Variants in NALCN observed in about 807,000 individuals in gnomAD.
NALCN encodes sodium leak channel NALCN.
A neutral mutation model predicts 225.3 loss-of-function variants in NALCN; 111 were observed. That is an observed-to-expected ratio of 0.49 (90% confidence interval 0.42 to 0.58). The LOEUF (loss-of-function observed/expected upper bound fraction) is 0.58, where lower values mean the gene tolerates loss of function less well. Among genes scored for constraint, NALCN ranks in the 20% least tolerant of loss-of-function variants. The pLI is 0.00. For missense variants in NALCN, 1,378 were observed against 2,202.4 expected (o/e 0.63, Z 7.49); for synonymous variants, 764 against 769.0 (o/e 0.99, Z 0.11).
At chr13:101,069,199 T>G (rs186681729) in intron 37 of NALCN, among the ~76,000 whole-genome samples, 121 of 152,288 alleles carry the variant, frequency 7.9e-4, no homozygotes, top group African/African-American at 2.8e-3. Flanking sequence ...CTGACTGAAG[T>G]AATGGGTTAA....
chr13:101,382,349 T>A (rs114722614), intron 3 of NALCN, among the ~76,000 whole-genome samples: 1 of 151,966 alleles, frequency 6.6e-6, no homozygotes, highest in African/African-American at 2.4e-5. Context: ...AGGAGAGACA[T>A]GCTTTTCACA....
chr13:101,330,275 T>G (rs1179452242), intron 7 of NALCN, among the ~76,000 whole-genome samples: 1 of 152,040 alleles, frequency 6.6e-6, no homozygotes, highest in African/African-American at 2.4e-5. Flanking sequence ...TTTGGGAGAA[T>G]ATAAAATCAG....
chr13:101,334,411 C>A (rs2045300837), intron 7 of NALCN, among the ~76,000 whole-genome samples: 1 of 151,520 alleles, frequency 6.6e-6, no homozygotes, highest in African/African-American at 2.4e-5. Context: ...GGGATGAACA[C>A]ATACATTCAA....
intron 22 of NALCN, among the ~76,000 whole-genome samples, chr13:101,106,225 A>G (rs1046723788): frequency 3.9e-5 from 6 of 152,102 alleles, no homozygotes; most frequent in Admixed American, 3.3e-4. Flanking sequence ...ATATTAGATT[A>G]GGGCCCACCC....
intron 2 of NALCN, among the ~76,000 whole-genome samples, chr13:101,397,113 T>A (rs4772376): frequency 1.8e-5 from 2 of 112,958 alleles, no homozygotes; most frequent in Non-Finnish European, 1.8e-5. Context: ...TATATATACA[T>A]ACACATACAT....
chr13:101,366,841 C>T (rs935715652), intron 6 of NALCN, among the ~76,000 whole-genome samples: 1 of 152,040 alleles, frequency 6.6e-6, no homozygotes, highest in Non-Finnish European at 1.5e-5. Flanking sequence ...TGACCATTGT[C>T]ACCCTGTTGT....
intron 7 of NALCN, among the ~76,000 whole-genome samples, chr13:101,293,195 A>G (rs2043613901): frequency 6.6e-6 from 1 of 152,194 alleles, no homozygotes; most frequent in African/African-American, 2.4e-5. Context: ...ACAAAGCCCC[A>G]CACATCCAAC....
At chr13:101,291,416 T>C (rs1000118973) in intron 9 of NALCN, among the ~76,000 whole-genome samples, 1 of 152,212 alleles carries the variant, frequency 6.6e-6, no homozygotes, top group African/African-American at 2.4e-5. Context: ...GTAATAAATG[T>C]GGTTGACGAT....
chr13:101,304,248 TTATTA>T (rs2044074327), intron 7 of NALCN, among the ~76,000 whole-genome samples: 1 of 152,132 alleles, frequency 6.6e-6, no homozygotes, highest in Non-Finnish European at 1.5e-5. Context: ...TTTTGTTATT[TTATTA>T]TGTTATTATT....
intron 6 of NALCN, among the ~76,000 whole-genome samples, chr13:101,357,157 A>G (rs150124284): frequency 0.019 from 2,896 of 152,282 alleles, 28 homozygotes; most frequent in Admixed American, 0.029. Context: ...CACCACTCCT[A>G]TTCAACATAG....
intron 13 of NALCN, among the ~76,000 whole-genome samples, chr13:101,219,681 C>T (rs1004853585): frequency 1.3e-5 from 2 of 152,134 alleles, no homozygotes; most frequent in Non-Finnish European, 2.9e-5. Flanking sequence ...TGAACTATTC[C>T]AGAGGCCTTT....
intron 7 of NALCN, among the ~76,000 whole-genome samples, chr13:101,329,154 A>G (rs1440254451): frequency 3.3e-5 from 5 of 152,164 alleles, no homozygotes; most frequent in Non-Finnish European, 7.3e-5. Context: ...AATCACCGCT[A>G]GTTTTTAAAT....
intron 17 of NALCN, among the ~76,000 whole-genome samples, chr13:101,126,496 A>AT (rs35175845): frequency 0.045 from 6,551 of 144,732 alleles, 318 homozygotes; most frequent in African/African-American, 0.12. Context: ...TTTTGGCATA[A>AT]TTTTTTTTTT....
chr13:101,272,534 T>G (rs1207609312), intron 10 of NALCN, among the ~76,000 whole-genome samples: 1 of 152,016 alleles, frequency 6.6e-6, no homozygotes, highest in East Asian at 1.9e-4. Flanking sequence ...GATCACTCTG[T>G]TGAGGAAGCA....
At chr13:101,411,304 G>A (rs2047777630) in intron 1 of NALCN, among the ~76,000 whole-genome samples, 1 of 150,558 alleles carries the variant, frequency 6.6e-6, no homozygotes, top group Non-Finnish European at 1.5e-5. Context: ...TGAGTCTGTG[G>A]GCATGCTTCC....
intron 3 of NALCN, among the ~76,000 whole-genome samples, chr13:101,381,973 G>A (rs1258840997): frequency 6.6e-6 from 1 of 152,124 alleles, no homozygotes; most frequent in Non-Finnish European, 1.5e-5. Context: ...GGACTCAGCA[G>A]AGAACTATGT....
rs558690041 is a variant in NALCN, at chr13:101,391,437, C to T, written c.291+3746G>A. ...GTGACTCACGCCTGTAATCCCAGCA[C>T]TTTGGGAGGCCGAGGTGGGAGGATC... On this transcript the variant is annotated intron_variant, in intron 3 of 43. Transcript: ENST00000251127. 7.2e-5 allele frequency among the ~76,000 whole-genome samples: 11 copies of T among 152,284 alleles called. No homozygotes were observed. The South Asian group carries it at 2.3e-3, about 32-fold the overall frequency.
intron 3 of NALCN, among the ~76,000 whole-genome samples, chr13:101,386,949 C>T (rs994049220): frequency 4.6e-5 from 7 of 152,090 alleles, no homozygotes; most frequent in African/African-American, 1.7e-4. Context: ...TGGCCAGGCG[C>T]GGTGGCTCAC....
chr13:101,160,873 T>C (rs1437998854), intron 15 of NALCN, among the ~76,000 whole-genome samples: 2 of 152,164 alleles, frequency 1.3e-5, no homozygotes, highest in Non-Finnish European at 2.9e-5. Flanking sequence ...TCTGTTCTTA[T>C]TGATCAAGTT....
Sources: allele counts gnomAD v4.1 joint callset (sites outside exome capture counted in the v4.1 genomes callset), GRCh38; gene constraint gnomAD v4.1.1; transcripts MANE v1.5; gene names NCBI Gene and HGNC (gene_info 2026-07-23, HGNC 2026-07-21).